The following SUGCT variants were observed in gnomAD, a reference collection of about 807,000 sequenced individuals.
SUGCT encodes the protein succinyl-CoA:glutarate-CoA transferase.
SUGCT carries 41 observed loss-of-function variants against 55.0 expected under a neutral mutation model. That is an observed-to-expected ratio of 0.74 (90% CI 0.58 to 0.97). The LOEUF (loss-of-function observed/expected upper bound fraction) is 0.97, where lower values mean the gene tolerates loss of function less well. Among genes scored for constraint, SUGCT ranks in the 50% least tolerant of loss-of-function variants. The pLI is 0.00. For missense variants in SUGCT, 568 were observed against 547.8 expected (o/e 1.04, Z -0.37); for synonymous variants, 187 against 200.4 (o/e 0.93, Z 0.56).
At chr7:40,213,096 TA>T (rs1438638961) in intron 6 of SUGCT, among the ~76,000 whole-genome samples, 1 of 151,848 alleles carries the variant, frequency 6.6e-6, no homozygotes, top group Non-Finnish European at 1.5e-5. Context: ...AAGTCTTTCA[TA>T]TTTTTAATGT....
intron 9 of SUGCT, among the ~76,000 whole-genome samples, chr7:40,445,735 G>T (rs1788796344): frequency 1.3e-5 from 2 of 152,092 alleles, no homozygotes; most frequent in Non-Finnish European, 2.9e-5. Context: ...GAACATCTAT[G>T]CAAAAATCCT....
intron 12 of SUGCT, among the ~76,000 whole-genome samples, chr7:40,676,496 TG>T (rs1180469843): frequency 1.9e-4 from 27 of 139,484 alleles, no homozygotes; most frequent in African/African-American, 7.8e-4. Flanking sequence ...CTTGCGGTTT[TG>T]TTTTTTGTTT....
At chr7:40,880,273 T>C in the SUGCT span, among the ~76,000 whole-genome samples, 4 of 152,320 alleles carry the variant, frequency 2.6e-5, no homozygotes, top group South Asian at 8.3e-4. Context: ...TTGGGTTTAT[T>C]TAGTTATTTA....
chr7:40,215,863 A>G (rs1348397224), intron 6 of SUGCT, among the ~76,000 whole-genome samples: 1 of 147,522 alleles, frequency 6.8e-6, no homozygotes, highest in Admixed American at 6.7e-5. Context: ...CTCCGTCTCA[A>G]AAAAAAAAAA....
chr7:40,738,196 TA>T (rs71714222), intron 12 of SUGCT, among the ~76,000 whole-genome samples: 1,347 of 111,022 alleles, frequency 0.012, 9 homozygotes, highest in South Asian at 0.028. Context: ...GACTCCATCT[TA>T]AAAAAAAAAA....
At chr7:40,269,249 T>G (rs941297949) in intron 7 of SUGCT, among the ~76,000 whole-genome samples, 2 of 152,212 alleles carry the variant, frequency 1.3e-5, no homozygotes, top group Non-Finnish European at 2.9e-5. Context: ...ATCTAGTTCT[T>G]TGGAGAAATG....
chr7:40,646,161 C>T (rs1293316578), intron 12 of SUGCT, among the ~76,000 whole-genome samples: 2 of 152,142 alleles, frequency 1.3e-5, no homozygotes, highest in African/African-American at 4.8e-5. Flanking sequence ...TTCTTCTTCC[C>T]CACATATAAT....
At chr7:40,144,233 C>G (rs1327569994) in intron 1 of SUGCT, among the ~76,000 whole-genome samples, 1 of 152,026 alleles carries the variant, frequency 6.6e-6, no homozygotes. Context: ...TTGGCAAGTC[C>G]CCACAGGGTA....
intron 11 of SUGCT, among the ~76,000 whole-genome samples, chr7:40,474,902 A>G (rs890848589): frequency 6.6e-6 from 1 of 152,178 alleles, no homozygotes; most frequent in Non-Finnish European, 1.5e-5. Context: ...AATACAGTAG[A>G]GGGCCTGGCA....
rs551282952 is a variant in SUGCT, at chr7:40,328,213, G to A, written c.816+11358G>A. On this transcript the variant is annotated intron_variant, in intron 9 of 13. Coordinates refer to ENST00000335693, the MANE Select transcript of SUGCT (RefSeq NM_001193313.2). The stretch of plus-strand genomic sequence containing the variant: ...ACTCATCACAGGGATCCTTAATTAT[G>A]ACTTAAAAGCAAATTTCCTTCAGAA... Among the ~76,000 whole-genome samples, 26 of 152,294 alleles carry A rather than the reference G, an allele frequency of 1.7e-4. 1 individual carries two copies. In the East Asian group the frequency reaches 5.0e-3, roughly 29 times the overall value.
intron 3 of SUGCT, among the ~76,000 whole-genome samples, chr7:40,185,184 A>C (rs962641905): frequency 6.6e-6 from 1 of 152,034 alleles, no homozygotes; most frequent in Non-Finnish European, 1.5e-5. Flanking sequence ...CTAGCTCAAC[A>C]TTTGTTTTTT....
chr7:40,992,484 A>G, the SUGCT span, among the ~76,000 whole-genome samples: 1 of 152,004 alleles, frequency 6.6e-6, no homozygotes, highest in Non-Finnish European at 1.5e-5. Context: ...CCTGTTGAAA[A>G]CACAGCCCAT....
In SUGCT at chr7:40,643,350, A is replaced by G. The variant is rs1465882186; in HGVS notation, c.1090-106084A>G. ...ATTGATTCAGCTGTGCAATTTGGGCAGTCACATAACTTCTCTGCTTAACAT... is the reference window on the plus strand; with the variant it reads ...ATTGATTCAGCTGTGCAATTTGGGCGGTCACATAACTTCTCTGCTTAACAT... On this transcript the variant is annotated intron_variant, in intron 12 of 13. Coordinates refer to ENST00000335693, the MANE Select transcript of SUGCT (RefSeq NM_001193313.2). Among the ~76,000 whole-genome samples the G allele has an allele frequency of 2.6e-5, 4 of 152,190 alleles. No individual in the cohort carries two copies. In the East Asian group the frequency reaches 7.7e-4, roughly 29 times the overall value.
chr7:40,755,506 T>C (rs1035863309), intron 13 of SUGCT, among the ~76,000 whole-genome samples: 1 of 152,206 alleles, frequency 6.6e-6, no homozygotes, highest in African/African-American at 2.4e-5. Flanking sequence ...ATTCCAAAGG[T>C]TGGCCAATTT....
At chr7:40,682,040 G>A (rs1784270803) in intron 12 of SUGCT, among the ~76,000 whole-genome samples, 1 of 152,170 alleles carries the variant, frequency 6.6e-6, no homozygotes, top group African/African-American at 2.4e-5. Context: ...TTCCTTGGCT[G>A]TTGTTTTAGA....
At chr7:40,684,903 T>C (rs1784400156) in intron 12 of SUGCT, among the ~76,000 whole-genome samples, 1 of 152,220 alleles carries the variant, frequency 6.6e-6, no homozygotes, top group South Asian at 2.1e-4. Context: ...TGATCTTGGC[T>C]CACTGCAACC....
the SUGCT span, among the ~76,000 whole-genome samples, chr7:40,899,973 C>T: frequency 2.0e-5 from 3 of 152,122 alleles, no homozygotes; most frequent in Admixed American, 6.5e-5. Flanking sequence ...CTGCGGTGGG[C>T]TGGGGGGTAG....
At chr7:40,775,912 C>G (rs1409725887) in intron 13 of SUGCT, among the ~76,000 whole-genome samples, 1 of 152,138 alleles carries the variant, frequency 6.6e-6, no homozygotes, top group African/African-American at 2.4e-5. Context: ...TACTTTAGTT[C>G]TTTTCCTTTT....
chr7:40,573,519 A>G (rs1796564251), intron 12 of SUGCT, among the ~76,000 whole-genome samples: 1 of 152,162 alleles, frequency 6.6e-6, no homozygotes. Flanking sequence ...ACATACACAC[A>G]TCCATACATA....
Sources: allele counts gnomAD v4.1 joint callset (sites outside exome capture counted in the v4.1 genomes callset), GRCh38; gene constraint gnomAD v4.1.1; transcripts MANE v1.5; gene names NCBI Gene and HGNC (gene_info 2026-07-23, HGNC 2026-07-21).